MANEA: variants seen among roughly 807,000 people sequenced by gnomAD.
The protein encoded by MANEA is mannosidase endo-alpha.
A neutral mutation model predicts 36.8 loss-of-function variants in MANEA; 25 were observed. The observed-to-expected ratio is 0.68, with a 90% CI of 0.50 to 0.95. The LOEUF is 0.95. MANEA is among the 40% of genes least tolerant of loss of function. MANEA has a pLI of 0.00. For missense variants in MANEA, 565 were observed against 558.8 expected, an observed-to-expected ratio of 1.01 and a Z score of -0.11; for synonymous variants, 198 against 188.5, an observed-to-expected ratio of 1.05 and a Z score of -0.41.
chr6:95,578,432 A>C lies in MANEA; in HGVS notation c.-39+794A>C, dbSNP rs191694501. On this transcript the variant is annotated intron_variant, in intron 1 of 4. Coordinates refer to ENST00000358812, the MANE Select transcript of MANEA (RefSeq NM_024641.4). ...GTTGATTAAGAACTTGAAAATAAGA[A>C]AAATGGGACTGGAATAGGCTGTTCA... Among the ~76,000 whole-genome samples the C allele has an allele frequency of 2.1e-3, 318 of 152,332 alleles. 2 individuals are homozygous for C. Among genetic ancestry groups the C allele is most frequent in the Middle Eastern group, 0.014 (4 of 294 alleles).
Position 95,605,750 on chromosome 6 carries a change from A to G in MANEA, c.734A>G (p.Tyr245Cys). The G allele has an allele frequency of 6.2e-7, 1 of 1,601,446 alleles. No individual in the cohort carries two copies. Among genetic ancestry groups the G allele is most frequent in the Non-Finnish European group, 8.5e-7 (1 of 1,171,270 alleles). Residue 245 changes from tyrosine (Y) to cysteine (C), a missense_variant and splice_region_variant, in exon 5 of 5, where the codon TAT becomes TGT. Transcript: ENST00000358812. ...YKNVKYIIDK[Y>C]GNHPAFYRYK... is the part of the protein sequence containing the mutation. ...TTTTATATATGCTTATTTTCTAGAT[A>G]TGGAAATCATCCGGCCTTTTACAGG...
chr6:95,590,197 G>A (rs974648628), intron 2 of MANEA: 1 of 152,134 alleles, frequency 6.6e-6, no homozygotes, highest in Non-Finnish European at 1.5e-5. Flanking sequence ...GTTGTTTTAA[G>A]CAACTAAATT....
chr6:95,586,582 TTCA>T lies in MANEA; in HGVS notation c.147_149del (p.His49del). Reference sequence around the variant, plus strand: ...TTTGGACTTGACCTTCTTCCAGAACTTCATCAACGAACTATTCATTTGGGGAAA... The same window carrying T: ...TTTGGACTTGACCTTCTTCCAGAACTTCAACGAACTATTCATTTGGGGAAA... On this transcript the variant is annotated inframe_deletion, in exon 2 of 5. Coordinates refer to ENST00000358812, the MANE Select transcript of MANEA (RefSeq NM_024641.4). The T allele has an allele frequency of 1.2e-6, 2 of 1,614,070 alleles. No homozygotes were observed. The highest frequency in any genetic ancestry group is 2.2e-5 in the East Asian group (1 of 44,852).
intron 1 of MANEA, among the ~76,000 whole-genome samples, chr6:95,585,128 TTATACTCA>T (rs1192237629): frequency 1.0e-4 from 11 of 109,168 alleles, no homozygotes; most frequent in African/African-American, 2.6e-4. Context: ...ACCTATATAC[TTATACTCA>T]TATATATATA....
At chr6:95,601,299 T>C (rs1769585575) in intron 3 of MANEA, among the ~76,000 whole-genome samples, 1 of 152,164 alleles carries the variant, frequency 6.6e-6, no homozygotes, top group African/African-American at 2.4e-5. Flanking sequence ...ACAGAAATAT[T>C]TGGTAGATTC....
At chr6:95,583,608 C>T (rs368943540) in intron 1 of MANEA, among the ~76,000 whole-genome samples, 135 of 151,998 alleles carry the variant, frequency 8.9e-4, no homozygotes, top group Non-Finnish European at 1.5e-3. Context: ...TGCTTGTGTG[C>T]GGTGGGAAAA....
chr6:95,594,857 A>G (rs773409950), intron 2 of MANEA, among the ~76,000 whole-genome samples: 4 of 152,166 alleles, frequency 2.6e-5, no homozygotes, highest in Non-Finnish European at 5.9e-5. Flanking sequence ...CTTGGGGCAA[A>G]CAGACCTCCT....
intron 1 of MANEA, among the ~76,000 whole-genome samples, chr6:95,585,397 CCTT>C (rs1769262388): frequency 6.6e-6 from 1 of 152,132 alleles, no homozygotes; most frequent in African/African-American, 2.4e-5. Context: ...GCAGCCTTGA[CCTT>C]CTGGGCTCAA....
intron 3 of MANEA, among the ~76,000 whole-genome samples, chr6:95,604,626 A>T (rs988132031): frequency 1.3e-5 from 2 of 152,026 alleles, no homozygotes; most frequent in African/African-American, 2.4e-5. Context: ...AAGATTAACC[A>T]AGATAATAAT....
chr6:95,589,739 G>C (rs1300008581), intron 2 of MANEA, among the ~76,000 whole-genome samples: 1 of 152,068 alleles, frequency 6.6e-6, no homozygotes, highest in East Asian at 1.9e-4. Context: ...AACTTTAGTA[G>C]ACTGGTCAGA....
intron 2 of MANEA, among the ~76,000 whole-genome samples, chr6:95,590,885 A>G (rs760072944): frequency 5.0e-4 from 76 of 152,340 alleles, no homozygotes; most frequent in Non-Finnish European, 9.0e-4. Flanking sequence ...TTTTACTATC[A>G]TTGCTGTAGG....
At chr6:95,580,278 T>C (rs1418240064) in intron 1 of MANEA, among the ~76,000 whole-genome samples, 1 of 151,824 alleles carries the variant, frequency 6.6e-6, no homozygotes, top group East Asian at 1.9e-4. Context: ...GAGCCAGAAA[T>C]TAACTTTTTT....
intron 2 of MANEA, among the ~76,000 whole-genome samples, chr6:95,595,994 A>T (rs990001943): frequency 6.6e-6 from 1 of 152,192 alleles, no homozygotes; most frequent in African/African-American, 2.4e-5. Flanking sequence ...ATACAATGGC[A>T]TATTATGCAG....
intron 3 of MANEA, among the ~76,000 whole-genome samples, chr6:95,603,636 AT>A (rs1769642254): frequency 6.6e-6 from 1 of 152,056 alleles, no homozygotes; most frequent in Admixed American, 6.5e-5. Flanking sequence ...TAATTGGGTA[AT>A]TGAAAACAGA....
chr6:95,597,690 C>G (rs1562199330), intron 3 of MANEA, among the ~76,000 whole-genome samples: 1 of 151,790 alleles, frequency 6.6e-6, no homozygotes, highest in East Asian at 1.9e-4. Flanking sequence ...GAGAATAACT[C>G]TGAAATTTAA....
At chr6:95,591,523 G>A (rs1390093554) in intron 2 of MANEA, among the ~76,000 whole-genome samples, 3 of 151,068 alleles carry the variant, frequency 2.0e-5, no homozygotes, top group Non-Finnish European at 4.4e-5. Context: ...GTTGTTTTCT[G>A]GCTGCATTTA....
At position 95,580,048 on chromosome 6, in the gene MANEA, A is replaced by G. The variant is rs545603733; in HGVS notation, c.-39+2410A>G. Among the ~76,000 whole-genome samples, 111 of 152,318 alleles carry G rather than the reference A, an allele frequency of 7.3e-4. No homozygotes were observed. In the Middle Eastern group the frequency reaches 0.01, roughly 14 times the overall value. ...TCCTGCAAGATCAGACATTTTAGGCATCTCAAGGGTCATTGTGGTTTTACA... is the reference window on the plus strand; with the variant it reads ...TCCTGCAAGATCAGACATTTTAGGCGTCTCAAGGGTCATTGTGGTTTTACA... On this transcript the variant is annotated intron_variant, in intron 1 of 4. Coordinates refer to ENST00000358812, the MANE Select transcript of MANEA (RefSeq NM_024641.4).
At chr6:95,602,057 C>T (rs561114692) in intron 3 of MANEA, among the ~76,000 whole-genome samples, 10 of 151,716 alleles carry the variant, frequency 6.6e-5, no homozygotes, top group Non-Finnish European at 1.2e-4. Flanking sequence ...TTTTCTTTTT[C>T]CTTGTTAAAT....
At chr6:95,588,435 G>A (rs1339330220) in intron 2 of MANEA, among the ~76,000 whole-genome samples, 1 of 151,970 alleles carries the variant, frequency 6.6e-6, no homozygotes, top group Non-Finnish European at 1.5e-5. Flanking sequence ...AGTATAGTTA[G>A]AGATTTAGTT....
Sources: gnomAD v4.1 joint callset for allele counts (sites outside exome capture counted in the v4.1 genomes callset) on GRCh38, gnomAD v4.1.1 for gene constraint, MANE v1.5 for transcripts, NCBI Gene and HGNC (gene_info 2026-07-23, HGNC 2026-07-21) for gene names.